The following PIK3CB variants were observed in gnomAD, a reference collection of about 807,000 sequenced individuals.
PIK3CB encodes the protein phosphatidylinositol-4,5-bisphosphate 3-kinase catalytic subunit beta.
PIK3CB carries 39 observed loss-of-function variants against 136.8 expected under a neutral mutation model. The observed-to-expected ratio is 0.29, with a 90% CI of 0.22 to 0.37. The LOEUF (loss-of-function observed/expected upper bound fraction) is 0.37, where lower values mean the gene tolerates loss of function less well. PIK3CB is among the 10% of genes least tolerant of loss of function. The pLI, the probability that PIK3CB is intolerant of heterozygous loss-of-function variation, is 1.00. For missense variants in PIK3CB, 868 were observed against 1,275.4 expected (o/e 0.68, Z 4.87); for synonymous variants, 428 against 436.6 (o/e 0.98, Z 0.25).
At chr3:138,659,866 CTTTTTTTTTTTT>C (rs56255742) in intron 21 of PIK3CB, among the ~76,000 whole-genome samples, 5 of 75,424 alleles carry the variant, frequency 6.6e-5, no homozygotes, top group Non-Finnish European at 9.2e-5. Flanking sequence ...CTTTCCTCTT[CTTTTTTTTTTTT>C]TTTTTTTTTT....
intron 2 of PIK3CB, among the ~76,000 whole-genome samples, chr3:138,793,567 T>C (rs1447230503): frequency 6.6e-6 from 1 of 151,316 alleles, no homozygotes; most frequent in South Asian, 2.1e-4. Context: ...GATCACACCA[T>C]TGCACTCCAG....
intron 10 of PIK3CB, among the ~76,000 whole-genome samples, chr3:138,709,352 C>T (rs186266587): frequency 3.3e-5 from 5 of 149,910 alleles, no homozygotes; most frequent in African/African-American, 9.8e-5. Context: ...TACATAGATA[C>T]GTAGAGAAGA....
At chr3:138,764,836 GAT>G (rs1246099346) in intron 2 of PIK3CB, among the ~76,000 whole-genome samples, 3 of 152,110 alleles carry the variant, frequency 2.0e-5, no homozygotes, top group African/African-American at 4.8e-5. Context: ...AACCTTCCCT[GAT>G]ACTCCTCGGT....
chr3:138,831,732 C>A (rs1233718127), intron 1 of PIK3CB, among the ~76,000 whole-genome samples: 1 of 152,148 alleles, frequency 6.6e-6, no homozygotes, highest in African/African-American at 2.4e-5. Flanking sequence ...TGAGACCATC[C>A]TGGCCAATAT....
intron 3 of PIK3CB, 104 bp from the exon 4 acceptor site, chr3:138,756,083 T>A: frequency 2.0e-6 from 1 of 501,014 alleles, no homozygotes; most frequent in Non-Finnish European, 3.5e-6. Flanking sequence ...TAAAAAACTA[T>A]GAACAAATCA....
chr3:138,661,277 T>C (rs771710421), intron 21 of PIK3CB, among the ~76,000 whole-genome samples: 3 of 152,224 alleles, frequency 2.0e-5, no homozygotes, highest in Non-Finnish European at 2.9e-5. Context: ...CTGTTCCATA[T>C]ATAAGCTGCC....
chr3:138,776,236 T>C (rs2045857084), intron 2 of PIK3CB, among the ~76,000 whole-genome samples: 1 of 152,122 alleles, frequency 6.6e-6, no homozygotes, highest in African/African-American at 2.4e-5. Flanking sequence ...GACATTAGTA[T>C]CCATTTCATA....
In PIK3CB at chr3:138,655,216, A is replaced by T; in HGVS notation, c.*173T>A. 2 of 609,760 alleles carry T rather than the reference A, an allele frequency of 3.3e-6. No individual in the cohort carries two copies. Among genetic ancestry groups the T allele is most frequent in the Non-Finnish European group, 2.9e-6 (1 of 349,434 alleles). 37.8% of individuals were successfully genotyped at this position (609,760 alleles called of 1,614,324 possible). On this transcript the variant is annotated 3_prime_UTR_variant, in exon 24 of 24. Transcript: ENST00000674063. ...AAGCATTCAAAAAGCAGAGGGAATC[A>T]TCGGGGATTGTTCAGATTAGGTTCT...
intron 2 of PIK3CB, among the ~76,000 whole-genome samples, chr3:138,783,639 A>G (rs905151314): frequency 6.6e-5 from 10 of 152,090 alleles, no homozygotes; most frequent in Non-Finnish European, 1.2e-4. Flanking sequence ...GCAGGCAAGG[A>G]AAGAAAGACT....
At chr3:138,737,394 CAAAAAAAAAAAAAA>C (rs11344311) in intron 6 of PIK3CB, among the ~76,000 whole-genome samples, 3 of 39,076 alleles carry the variant, frequency 7.7e-5, no homozygotes, top group Admixed American at 2.9e-4. Flanking sequence ...CACTCTGTCT[CAAAAAAAAAAAAAA>C]AAAAAAAAAA....
At chr3:138,673,602 C>T (rs1049032956) in intron 19 of PIK3CB, among the ~76,000 whole-genome samples, 3 of 152,056 alleles carry the variant, frequency 2.0e-5, no homozygotes, top group Admixed American at 6.5e-5. Context: ...AGAATACTGA[C>T]AAAAATTGTT....
Position 138,714,635 on chromosome 3 carries a change from G to A in PIK3CB, c.1135C>T (p.His379Tyr). Residue 379 changes from histidine to tyrosine, a missense_variant, in exon 9 of 24, where the codon CAT becomes TAT. Around this residue, in one of 4 missense-constraint regions of PIK3CB, gnomAD observed 612 missense variants for 801.1 expected, o/e 0.76. Coordinates refer to ENST00000674063, the MANE Select transcript of PIK3CB (RefSeq NM_006219.3). ...AATTCCAGTGGTTCATTCCAAATAT[G>A]ATCATTTTTCCCTGATACCTCTGAG... Reference protein sequence around the residue: ...VSSEVSGKNDHIWNEPLEFDI... With the variant: ...VSSEVSGKNDYIWNEPLEFDI... 1 of 1,612,742 alleles carries A rather than the reference G, an allele frequency of 6.2e-7. No homozygotes were observed. The highest frequency in any genetic ancestry group is 8.5e-7 in the Non-Finnish European group (1 of 1,178,792).
chr3:138,756,862 C>A (rs35851894), intron 3 of PIK3CB, among the ~76,000 whole-genome samples: 1 of 152,000 alleles, frequency 6.6e-6, no homozygotes, highest in Admixed American at 6.6e-5. Flanking sequence ...AACTTCTGTA[C>A]AGCAAAAGAC....
At chr3:138,667,340 T>C (rs185392427) in intron 19 of PIK3CB, among the ~76,000 whole-genome samples, 9 of 151,982 alleles carry the variant, frequency 5.9e-5, no homozygotes, top group Admixed American at 5.2e-4. Context: ...CAGGTTCCTG[T>C]TGGCCATGTA....
chr3:138,814,280 C>T (rs1188488420), intron 1 of PIK3CB, among the ~76,000 whole-genome samples: 1 of 152,114 alleles, frequency 6.6e-6, no homozygotes, highest in South Asian at 2.1e-4. Context: ...GAGCTTGAGA[C>T]CACTTTGACC....
At chr3:138,709,807 A>G (rs946015342) in intron 10 of PIK3CB, among the ~76,000 whole-genome samples, 1 of 152,160 alleles carries the variant, frequency 6.6e-6, no homozygotes, top group African/African-American at 2.4e-5. Flanking sequence ...GTGAGTCTAA[A>G]TTAAGATTCT....
At chr3:138,821,989 A>G (rs1018733937) in intron 1 of PIK3CB, among the ~76,000 whole-genome samples, 1 of 151,428 alleles carries the variant, frequency 6.6e-6, no homozygotes, top group African/African-American at 2.4e-5. Flanking sequence ...TTTCTCCATG[A>G]AAAATACAAC....
At position 138,778,273 on chromosome 3, in the gene PIK3CB, C is replaced by T. The variant is rs190612583; in HGVS notation, c.-17+18190G>A. 587 of 402,948 alleles carry T rather than the reference C, an allele frequency of 1.5e-3. 8 individuals are homozygous for T. The highest frequency in any genetic ancestry group is 8.4e-3 in the South Asian group (452 of 53,752). The allele number at this position is 402,948 out of a possible 1,614,324, so 25.0% of individuals were successfully genotyped here. A position where few individuals can be genotyped will look rare whatever the true frequency, so the allele number is the denominator to read the frequency against. On this transcript the variant is annotated intron_variant, in intron 2 of 23. Coordinates refer to ENST00000674063, the MANE Select transcript of PIK3CB (RefSeq NM_006219.3). ...CACCTCGCAATTCCCAGCAAACCTT[C>T]TATACCACTAACTGCTTAGCACCAC...
chr3:138,828,688 T>C (rs1933893670), intron 1 of PIK3CB, among the ~76,000 whole-genome samples: 1 of 151,756 alleles, frequency 6.6e-6, no homozygotes. Flanking sequence ...AGACCAGGAG[T>C]TCAAGGCTGT....
Sources: gnomAD v4.1 joint callset for allele counts (sites outside exome capture counted in the v4.1 genomes callset) on GRCh38, gnomAD v4.1.1 for gene constraint, gnomAD v4.1.1 regional missense constraint, MANE v1.5 for transcripts, NCBI Gene and HGNC (gene_info 2026-07-23, HGNC 2026-07-21) for gene names.